ARID1B: variants seen among roughly 807,000 people sequenced by gnomAD.
ARID1B encodes AT-rich interaction domain 1B.
Under a neutral mutation model 212.3 loss-of-function variants are expected in ARID1B, and 30 were observed. The ratio of observed to expected loss-of-function variants is 0.14; its 90% confidence interval spans 0.11 to 0.19. The LOEUF (loss-of-function observed/expected upper bound fraction) is 0.19. ARID1B is among the 10% of genes least tolerant of loss of function. The pLI, the probability that ARID1B is intolerant of heterozygous loss-of-function variation, is 1.00. For missense variants in ARID1B, 2,891 were observed against 3,204.0 expected (o/e 0.90, Z 2.36); for synonymous variants, 1,402 against 1,301.7 (o/e 1.08, Z -1.66).
chr6:157,009,429 TG>T (rs1453290137), intron 4 of ARID1B, among the ~76,000 whole-genome samples: 1 of 152,188 alleles, frequency 6.6e-6, no homozygotes, highest in African/African-American at 2.4e-5. Flanking sequence ...GCGGAAAAGT[TG>T]GCCCTAAACT....
chr6:157,075,870 A>C (rs145554978), intron 4 of ARID1B, among the ~76,000 whole-genome samples: 4 of 152,348 alleles, frequency 2.6e-5, no homozygotes, highest in Non-Finnish European at 5.9e-5. Flanking sequence ...AAGACTGGGA[A>C]ACTGTCACAG....
rs1793698692 is a variant in ARID1B at position 157,196,089 on chromosome 6, G to C, written c.4232-76G>C. 47 of 1,551,550 alleles carry C rather than the reference G, an allele frequency of 3.0e-5. No homozygotes were observed. In the South Asian group the frequency reaches 5.2e-4, roughly 17 times the overall value. ...AAAGAAAAAGTCCAAAGACAATAGAGATGACTAGAAGGGATGGATGGGCCT... is the reference window on the plus strand; with the variant it reads ...AAAGAAAAAGTCCAAAGACAATAGACATGACTAGAAGGGATGGATGGGCCT... On this transcript the variant is annotated intron_variant, in intron 15 of 19. Transcript: ENST00000636930.
intron 11 of ARID1B, among the ~76,000 whole-genome samples, chr6:157,176,001 G>T (rs1792077703): frequency 6.6e-6 from 1 of 152,212 alleles, no homozygotes; most frequent in Non-Finnish European, 1.5e-5. Context: ...GCAGAATCTG[G>T]CAATCTAGTC....
At chr6:156,812,966 G>A (rs510404) in intron 1 of ARID1B, among the ~76,000 whole-genome samples, 2,302 of 100,972 alleles carry the variant, frequency 0.023, 260 homozygotes, top group Non-Finnish European at 0.029. Flanking sequence ...GTGTGTGTGT[G>A]TGTGTGTGTG....
At position 157,207,396 on chromosome 6, in the gene ARID1B, C is replaced by A; in HGVS notation, c.6624C>A (p.Thr2208=). ...VLSPQRLVLE[T]LCKLSIQDNN... Reference sequence around the variant, plus strand: ...CGCCTCAGAGACTTGTGCTGGAGACCCTCTGTAAACTCAGTATCCAGGACA... The same window carrying A: ...CGCCTCAGAGACTTGTGCTGGAGACACTCTGTAAACTCAGTATCCAGGACA... Residue 2208 remains threonine (T), a synonymous_variant, in exon 20 of 20, where the codon ACC becomes ACA. Transcript: ENST00000636930. This position sits in a 1 kb window ranked among gnomAD's most constrained non-coding sequence, Gnocchi z 8.5. 6.2e-7 allele frequency: 1 copy of A among 1,614,134 alleles called. No homozygotes were observed. The highest frequency in any genetic ancestry group is 1.1e-5 in the South Asian group (1 of 91,074).
At chr6:156,869,748 A>G (rs908431297) in intron 2 of ARID1B, among the ~76,000 whole-genome samples, 1 of 152,218 alleles carries the variant, frequency 6.6e-6, no homozygotes, top group African/African-American at 2.4e-5. Flanking sequence ...ATTTCTTCAT[A>G]TCAAATTTTA....
chr6:157,004,595 G>C (rs537206434), intron 4 of ARID1B, among the ~76,000 whole-genome samples: 13 of 152,158 alleles, frequency 8.5e-5, no homozygotes, highest in African/African-American at 3.1e-4. Flanking sequence ...AGGTAAAGTT[G>C]GTCTCTTTTA....
chr6:157,189,588 T>C (rs1793212703), intron 13 of ARID1B, 54 bp from the exon 14 acceptor site: 1 of 1,553,902 alleles, frequency 6.4e-7, no homozygotes, highest in East Asian at 2.3e-5. Flanking sequence ...GCAGCTGGGC[T>C]TACTTGATAA....
Position 157,207,279 on chromosome 6 carries a change from G to A in ARID1B, c.6507G>A (p.Leu2169=), listed in dbSNP as rs778762659. The A allele has an allele frequency of 6.2e-7, 1 of 1,614,128 alleles. No homozygotes were observed. The highest frequency in any genetic ancestry group is 1.1e-5 in the South Asian group (1 of 91,084). Residue 2169 remains leucine, a synonymous_variant, in exon 20 of 20, where the codon TTG becomes TTA. Coordinates refer to ENST00000636930, the MANE Select transcript of ARID1B (RefSeq NM_001374828.1). This position sits in a 1 kb window ranked among gnomAD's most constrained non-coding sequence, Gnocchi z 8.5. ...CTGCTTACACGGAAAGCATCTGCTT[G>A]CCAATTTTGGATGGCTTGCTGCACT... ...DLSAYTESIC[L]PILDGLLHWM...
intron 4 of ARID1B, among the ~76,000 whole-genome samples, chr6:157,044,373 G>A (rs951240035): frequency 9.2e-5 from 14 of 152,156 alleles, no homozygotes; most frequent in African/African-American, 3.1e-4. Flanking sequence ...TTTGACATCT[G>A]ATCATTATGA....
At chr6:156,953,897 T>A (rs1356070449) in intron 4 of ARID1B, among the ~76,000 whole-genome samples, 1 of 152,252 alleles carries the variant, frequency 6.6e-6, no homozygotes, top group Non-Finnish European at 1.5e-5. Flanking sequence ...AGTAAATGTT[T>A]AAAAATTACA....
intron 8 of ARID1B, chr6:157,165,934 A>T (rs1791295228): frequency 6.6e-6 from 1 of 152,232 alleles, no homozygotes; most frequent in South Asian, 2.1e-4. Flanking sequence ...ATACCAAGTG[A>T]TAGCTTAATG....
chr6:156,962,947 A>AT (rs59701150), intron 4 of ARID1B, among the ~76,000 whole-genome samples: 28 of 150,716 alleles, frequency 1.9e-4, no homozygotes, highest in African/African-American at 4.4e-4. Context: ...ACGGCCAGCT[A>AT]TTTTTTTTTT....
In ARID1B at chr6:157,210,238, T is replaced by C. The variant is rs1021637108; in HGVS notation, c.*2347T>C. The C allele has an allele frequency of 5.2e-5, 12 of 231,342 alleles. No individual in the cohort carries two copies. The highest frequency in any genetic ancestry group is 2.4e-4 in the African/African-American group (11 of 45,224). 14.3% of individuals were successfully genotyped at this position (231,342 alleles called of 1,614,324 possible). A position where few individuals can be genotyped will look rare whatever the true frequency, so the allele number is the denominator to read the frequency against. ...TTCTGCTTTAAATACATCTGCTTGC[T>C]AAGAACAGATTTCAGTGCTCCAAGC... On this transcript the variant is annotated 3_prime_UTR_variant, in exon 20 of 20. Coordinates refer to ENST00000636930, the MANE Select transcript of ARID1B (RefSeq NM_001374828.1).
chr6:156,781,199 G>T (rs1413348387), intron 1 of ARID1B, among the ~76,000 whole-genome samples: 1 of 151,902 alleles, frequency 6.6e-6, no homozygotes, highest in Non-Finnish European at 1.5e-5. Context: ...ATTAAAAGGG[G>T]AAAAATGAGA....
intron 2 of ARID1B, among the ~76,000 whole-genome samples, chr6:156,871,435 C>A (rs1425884488): frequency 6.6e-6 from 1 of 152,124 alleles, no homozygotes; most frequent in Non-Finnish European, 1.5e-5. Context: ...CATGGATAAC[C>A]CTTTTGCACA....
At chr6:157,125,442 C>A (rs1253736659) in intron 6 of ARID1B, among the ~76,000 whole-genome samples, 2 of 152,152 alleles carry the variant, frequency 1.3e-5, no homozygotes, top group Non-Finnish European at 2.9e-5. Context: ...CTCAAGTGAC[C>A]TCTAGACTCA....
intron 1 of ARID1B, among the ~76,000 whole-genome samples, chr6:156,787,263 G>C (rs998037137): frequency 6.6e-6 from 1 of 152,124 alleles, no homozygotes; most frequent in African/African-American, 2.4e-5. Context: ...TTGGATTGCT[G>C]GGGTATTTTT....
Position 156,871,724 on chromosome 6 carries a change from C to T in ARID1B, c.1987-29652C>T, listed in dbSNP as rs371894698. On this transcript the variant is annotated intron_variant, in intron 2 of 19. Coordinates refer to ENST00000636930, the MANE Select transcript of ARID1B (RefSeq NM_001374828.1). ...AGCATATGACAGTGGGGGCAGCTGG[C>T]ACATCTGTGTTGTTCCCCTCCTGCA... is the stretch of plus-strand genomic sequence containing the variant. 15 of 1,541,728 alleles carry T rather than the reference C, an allele frequency of 9.7e-6. No individual in the cohort carries two copies. The East Asian group carries it at 1.6e-4, about 17-fold the overall frequency.
Sources: gnomAD v4.1 joint callset for allele counts (sites outside exome capture counted in the v4.1 genomes callset) on GRCh38, gnomAD v4.1.1 for gene constraint, Gnocchi (gnomAD v3.1) non-coding constraint, MANE v1.5 for transcripts, NCBI Gene and HGNC (gene_info 2026-07-23, HGNC 2026-07-21) for gene names.